COL22A1: variants seen among roughly 807,000 people sequenced by gnomAD.
COL22A1 encodes collagen alpha-1(XXII) chain.
COL22A1 carries 221 observed loss-of-function variants against 248.9 expected under a neutral mutation model. That is an observed-to-expected ratio of 0.89 (90% confidence interval 0.80 to 0.99). The LOEUF is 0.99. COL22A1 is among the 50% of genes least tolerant of loss of function. The probability of loss-of-function intolerance (pLI) is 0.00; values close to 1 mark genes in which losing one functional copy is unlikely to be tolerated. For missense variants in COL22A1, 2,240 were observed against 2,179.0 expected, an observed-to-expected ratio of 1.03 and a Z score of -0.56; for synonymous variants, 891 against 793.4, an observed-to-expected ratio of 1.12 and a Z score of -2.07.
chr8:138,840,864 G>A (rs888143806), intron 4 of COL22A1, among the ~76,000 whole-genome samples: 5 of 152,104 alleles, frequency 3.3e-5, no homozygotes, highest in African/African-American at 4.8e-5. Context: ...CACCTGCCTT[G>A]GCTTCCCAAA....
At chr8:138,790,662 T>C (rs1162677610) in intron 12 of COL22A1, among the ~76,000 whole-genome samples, 2 of 152,206 alleles carry the variant, frequency 1.3e-5, no homozygotes, top group Non-Finnish European at 2.9e-5. Flanking sequence ...TATTTAACAC[T>C]GTGGACAGCA....
chr8:138,796,536 A>G (rs566139461), intron 12 of COL22A1, among the ~76,000 whole-genome samples: 111 of 151,614 alleles, frequency 7.3e-4, no homozygotes, highest in Middle Eastern at 3.4e-3. Context: ...CATTTCCAAC[A>G]GAATATGCCT....
intron 1 of COL22A1, among the ~76,000 whole-genome samples, chr8:138,906,658 CTTTTTT>C (rs371559054): frequency 6.9e-6 from 1 of 144,434 alleles, no homozygotes; most frequent in African/African-American, 2.5e-5. Context: ...CTTTCTTTTT[CTTTTTT>C]TTTTTTGAGA....
intron 16 of COL22A1, among the ~76,000 whole-genome samples, chr8:138,770,961 C>T (rs1834317643): frequency 6.6e-6 from 1 of 152,226 alleles, no homozygotes; most frequent in South Asian, 2.1e-4. Context: ...TAAATATTAA[C>T]TCATGGAATC....
At position 138,616,950 on chromosome 8, in the gene COL22A1, C is replaced by G; in HGVS notation, c.3834G>C (p.Lys1278Asn). The change falls in exon 54 of 65, where the codon AAG becomes AAC. Residue 1278 changes from lysine (K) to asparagine (N), a missense_variant. Transcript: ENST00000303045. ...PEGARGPPGF[K>N]GHTGDSGAPG... is the part of the protein sequence containing the mutation. ...GTGCACCAGAATCGCCTGTGTGTCCCTTGAAGCCCTAGAAGGAAGAGAATG... is the reference window on the plus strand; with the variant it reads ...GTGCACCAGAATCGCCTGTGTGTCCGTTGAAGCCCTAGAAGGAAGAGAATG... 6.2e-7 allele frequency: 1 copy of G among 1,614,192 alleles called. No homozygotes were observed. Among genetic ancestry groups the G allele is most frequent in the Non-Finnish European group, 8.5e-7 (1 of 1,180,032 alleles).
At chr8:138,751,367 C>A in intron 22 of COL22A1, 91 bp downstream of exon 22, 1 of 869,598 alleles carries the variant, frequency 1.1e-6, no homozygotes, top group East Asian at 2.6e-5. Context: ...GTCCCTGAAA[C>A]TGACACTGTC....
chr8:138,779,480 AG>A, intron 14 of COL22A1, 28 bp downstream of exon 14: 1 of 1,577,088 alleles, frequency 6.3e-7, no homozygotes, highest in South Asian at 1.1e-5. Context: ...TGGGAGCATC[AG>A]AAGGGCCCAG....
chr8:138,611,450 G>C (rs571320809), intron 56 of COL22A1, among the ~76,000 whole-genome samples: 1 of 152,314 alleles, frequency 6.6e-6, no homozygotes, highest in South Asian at 2.1e-4. Flanking sequence ...GGGAGCTGGG[G>C]GGGACCCAGT....
intron 5 of COL22A1, among the ~76,000 whole-genome samples, chr8:138,832,437 T>C (rs542186322): frequency 3.2e-4 from 48 of 152,304 alleles, no homozygotes; most frequent in African/African-American, 1.1e-3. Context: ...GAATAGAGCA[T>C]TCATTTTGGT....
intron 52 of COL22A1, 126 bp downstream of exon 52, chr8:138,623,606 A>C (rs1313831238): frequency 1.3e-6 from 1 of 786,226 alleles, no homozygotes. Flanking sequence ...GAGTATGTAA[A>C]TGAAATAATG....
At chr8:138,724,418 C>T (rs999038099) in intron 25 of COL22A1, among the ~76,000 whole-genome samples, 197 bp downstream of exon 25, 13 of 152,178 alleles carry the variant, frequency 8.5e-5, no homozygotes, top group South Asian at 2.1e-4. Flanking sequence ...AGGGAGCCTT[C>T]CCACAGACAG....
intron 16 of COL22A1, among the ~76,000 whole-genome samples, chr8:138,770,453 C>A (rs74347698): frequency 0.018 from 2,762 of 152,302 alleles, 110 homozygotes; most frequent in African/African-American, 0.063. Context: ...GGTAAACCCC[C>A]AGATGAAGGG....
intron 16 of COL22A1, among the ~76,000 whole-genome samples, chr8:138,765,853 C>G (rs1789606780): frequency 6.6e-6 from 1 of 152,194 alleles, no homozygotes; most frequent in Admixed American, 6.5e-5. Context: ...GTCCTCTCAG[C>G]AGAGAGGAGC....
chr8:138,655,787 C>T (rs1439322277), intron 45 of COL22A1, 110 bp downstream of exon 45: 21 of 906,452 alleles, frequency 2.3e-5, no homozygotes, highest in African/African-American at 1.2e-4. Flanking sequence ...CTGCTGTTAT[C>T]GTTAATACTA....
chr8:138,704,190 C>A (rs13248775), intron 30 of COL22A1, among the ~76,000 whole-genome samples: 1 of 152,046 alleles, frequency 6.6e-6, no homozygotes, highest in African/African-American at 2.4e-5. Context: ...TAGACTCCAC[C>A]TCTGGGGGCA....
Position 138,715,693 on chromosome 8 carries a change from G to A in COL22A1, c.2506C>T (p.Arg836Ter), listed in dbSNP as rs759082424. ...CAAGTTTCTCCTACCTTTTCACCTC[G>A]GTCACCTTTCAGTCCTGGAAGTCCC... ...ELGLPGLKGDRGEKGEAGPAG... is the reference protein window; with the variant it reads ...ELGLPGLKGD The change falls in exon 30 of 65, where the codon CGA (arginine) becomes TGA (stop). Residue 836 changes from arginine to a stop codon, truncating the protein, a stop_gained. Coordinates refer to ENST00000303045, the MANE Select transcript of COL22A1 (RefSeq NM_152888.3). LOFTEE classifies it high-confidence loss of function. 10 of 1,611,122 alleles carry A rather than the reference G, an allele frequency of 6.2e-6. No individual in the cohort carries two copies. The highest frequency in any genetic ancestry group is 1.6e-4 in the Middle Eastern group (1 of 6,074).
At chr8:138,804,500 G>T (rs1407747072) in intron 10 of COL22A1, among the ~76,000 whole-genome samples, 1 of 152,198 alleles carries the variant, frequency 6.6e-6, no homozygotes, top group Non-Finnish European at 1.5e-5. Context: ...GTCTTCTACT[G>T]AGAGGCCTAT....
At chr8:138,894,140 T>C (rs896555896) in intron 1 of COL22A1, among the ~76,000 whole-genome samples, 4 of 152,106 alleles carry the variant, frequency 2.6e-5, no homozygotes, top group African/African-American at 9.7e-5. Flanking sequence ...CATTCAAGTG[T>C]AAGGAAAGAA....
intron 22 of COL22A1, among the ~76,000 whole-genome samples, chr8:138,739,482 G>A (rs902777565): frequency 5.3e-5 from 8 of 152,106 alleles, no homozygotes; most frequent in East Asian, 3.9e-4. Context: ...GTCTTCTCAC[G>A]CTGCCGTAAT....
Sources: allele counts gnomAD v4.1 joint callset (sites outside exome capture counted in the v4.1 genomes callset), GRCh38; gene constraint gnomAD v4.1.1; transcripts MANE v1.5; gene names NCBI Gene and HGNC (gene_info 2026-07-23, HGNC 2026-07-21).